Variants in RECQL5 observed in about 807,000 individuals in gnomAD.
The protein encoded by RECQL5 is RecQ like helicase 5, also known as ATP-dependent DNA helicase Q5.
A neutral mutation model predicts 103.4 loss-of-function variants in RECQL5; 88 were observed. The ratio of observed to expected loss-of-function variants is 0.85; its 90% CI spans 0.72 to 1.02. The LOEUF is 1.02. Ranked by LOEUF, RECQL5 falls within the 50% of genes least tolerant of loss-of-function variation. The pLI, the probability that RECQL5 is intolerant of heterozygous loss-of-function variation, is 0.00. For missense variants in RECQL5, 1,232 were observed against 1,284.3 expected (o/e 0.96, Z 0.62); for synonymous variants, 552 against 507.9 (o/e 1.09, Z -1.17).
At chr17:75,630,721 T>C in intron 12 of RECQL5, 29 bp from the exon 13 acceptor site, 2 of 1,608,596 alleles carry the variant, frequency 1.2e-6, no homozygotes, top group Non-Finnish European at 1.7e-6. Context: ...ACTGGTCGCA[T>C]GGCCTCGCGG....
At chr17:75,654,604 T>C (rs1205563745) in intron 7 of RECQL5, among the ~76,000 whole-genome samples, 1 of 152,134 alleles carries the variant, frequency 6.6e-6, no homozygotes, top group Non-Finnish European at 1.5e-5. Context: ...CATACAGCAT[T>C]GCATTTTTAT....
chr17:75,656,098 G>A (rs1233440726), intron 7 of RECQL5, among the ~76,000 whole-genome samples: 5 of 151,860 alleles, frequency 3.3e-5, no homozygotes, highest in African/African-American at 9.7e-5. Context: ...TTTTGAGACC[G>A]ACTTTCACTC....
chr17:75,631,758 C>T, intron 8 of RECQL5, 90 bp from the exon 9 acceptor site: 1 of 1,346,990 alleles, frequency 7.4e-7, no homozygotes, highest in Non-Finnish European at 1.0e-6. Context: ...GCTGAGCGAG[C>T]ACTGCCGCGT....
intron 5 of RECQL5, 36 bp from the exon 6 acceptor site, chr17:75,661,102 A>G: frequency 6.5e-7 from 1 of 1,548,182 alleles, no homozygotes; most frequent in Non-Finnish European, 8.9e-7. Context: ...GGGAACTCAC[A>G]TTTCCCTTGG....
chr17:75,666,645 TA>T (rs764037550), intron 1 of RECQL5, 74 bp from the exon 2 acceptor site: 5 of 1,419,352 alleles, frequency 3.5e-6, no homozygotes, highest in Non-Finnish European at 1.9e-6. Flanking sequence ...AAATACAGAT[TA>T]TTTTTCTGTA....
rs777336235 is a variant in RECQL5 at position 75,629,356 on chromosome 17, G to A, written c.2067C>T (p.Gly689=). The part of the protein sequence containing the change: ...REQAPQPERG[G]EHEPPSRPCG... ...AGGGCCGGCTCGGGGGCTCGTGCTC[G>A]CCTCCCCGCTCGGGCTGGGGGGCTT... is the stretch of plus-strand genomic sequence containing the variant. The change falls in exon 16 of 20, where the codon GGC becomes GGT. Residue 689 remains glycine (G), a synonymous_variant. Coordinates refer to ENST00000317905, the MANE Select transcript of RECQL5 (RefSeq NM_004259.7). 14 of 1,513,314 alleles carry A rather than the reference G, an allele frequency of 9.3e-6. No homozygotes were observed. In the South Asian group the frequency reaches 1.1e-4, roughly 12 times the overall value. The allele number at this position is 1,513,314 out of a possible 1,614,324, so 93.7% of individuals were successfully genotyped here.
Position 75,629,236 on chromosome 17 carries a change from C to T in RECQL5, c.2187G>A (p.Glu729=). ...GSAHYGGPSP[E]KKAKSSSGGS... ...CCCCAGAGGAACTTTTTGCCTTCTT[C>T]TCAGGGGAGGGCCCCCCATAGTGAG... is the stretch of plus-strand genomic sequence containing the variant. The change falls in exon 16 of 20, where the codon GAG becomes GAA. Residue 729 remains glutamate, a synonymous_variant. Transcript: ENST00000317905. 6.2e-7 allele frequency: 1 copy of T among 1,612,848 alleles called. No individual in the cohort carries two copies. Among genetic ancestry groups the T allele is most frequent in the Non-Finnish European group, 8.5e-7 (1 of 1,179,760 alleles).
Position 75,627,035 on chromosome 17 carries a change from G to T in RECQL5, c.*387C>A, listed in dbSNP as rs2059102041. ...CGTAATGGATGGGGGAGTGGGTGGA[G>T]GATCTGAGGGTCCCCTGGGTAGGTT... On this transcript the variant is annotated 3_prime_UTR_variant, in exon 20 of 20. Coordinates refer to ENST00000317905, the MANE Select transcript of RECQL5 (RefSeq NM_004259.7). 5.1e-6 allele frequency: 2 copies of T among 395,196 alleles called. No homozygotes were observed. The highest frequency in any genetic ancestry group is 7.0e-5 in the East Asian group (1 of 14,266). 24.5% of individuals were successfully genotyped at this position (395,196 alleles called of 1,614,324 possible). A position where few individuals can be genotyped will look rare whatever the true frequency, so the allele number is the denominator to read the frequency against.
intron 16 of RECQL5, 35 bp downstream of exon 16, chr17:75,628,899 G>C (rs749057516): frequency 2.7e-5 from 42 of 1,582,128 alleles, no homozygotes; most frequent in Non-Finnish European, 3.1e-5. Context: ...TGCCGTGTAG[G>C]TTCCAGAAGA....
rs2059326153 is a variant in RECQL5 at position 75,636,570 on chromosome 17, T to C, written c.1230-4902A>G. On this transcript the variant is annotated intron_variant, in intron 8 of 19. Coordinates refer to ENST00000317905, the MANE Select transcript of RECQL5 (RefSeq NM_004259.7). This position sits in a 1 kb window ranked among gnomAD's most constrained non-coding sequence, Gnocchi z 5.4. ...TGCCACACAGTCACCTGACGGCTGC[T>C]GGTTATATTGGGCACCAAGTGTCAG... The C allele has an allele frequency of 6.6e-6, 1 of 152,140 alleles. No individual in the cohort carries two copies. Among genetic ancestry groups the C allele is most frequent in the Admixed American group, 6.5e-5 (1 of 15,274 alleles). 9.4% of individuals were successfully genotyped at this position (152,140 alleles called of 1,614,324 possible). A position where few individuals can be genotyped will look rare whatever the true frequency, so the allele number is the denominator to read the frequency against.
In RECQL5 at chr17:75,627,645, C is replaced by CTGAG. The variant is rs761290432; in HGVS notation, c.2849_2852dup (p.Gln951HisfsTer33). 1 of 1,612,574 alleles carries CTGAG rather than the reference C, an allele frequency of 6.2e-7. No homozygotes were observed. The highest frequency in any genetic ancestry group is 1.1e-5 in the South Asian group (1 of 90,890). ...CACCGCTCCTTCCAGGAGAGGTCTT[C>CTGAG]TGAGTCAGCAAGTGTGAGAGGTGGC... On this transcript the variant is annotated frameshift_variant, in exon 19 of 20. Coordinates refer to ENST00000317905, the MANE Select transcript of RECQL5 (RefSeq NM_004259.7). LOFTEE classifies it high-confidence loss of function.
Position 75,640,188 on chromosome 17 carries a change from G to A in RECQL5, c.1230-8520C>T. Reference sequence around the variant, plus strand: ...CAGAGCCCGGCAGGAGCCCCAACAGGAAGCCAGCGCGGCATGGCTGCCACC... The same window carrying A: ...CAGAGCCCGGCAGGAGCCCCAACAGAAAGCCAGCGCGGCATGGCTGCCACC... On this transcript the variant is annotated intron_variant, in intron 8 of 19. Transcript: ENST00000317905. The surrounding 1 kb of genome is among the most constrained non-coding windows in gnomAD (Gnocchi z 4.6). 1 of 1,540,804 alleles carries A rather than the reference G, an allele frequency of 6.5e-7. No individual in the cohort carries two copies. The highest frequency in any genetic ancestry group is 8.7e-7 in the Non-Finnish European group (1 of 1,142,974).
chr17:75,640,187 G>T lies in RECQL5; in HGVS notation c.1230-8519C>A. 6.5e-7 allele frequency: 1 copy of T among 1,540,378 alleles called. No individual in the cohort carries two copies. The highest frequency in any genetic ancestry group is 8.8e-7 in the Non-Finnish European group (1 of 1,142,852). On this transcript the variant is annotated intron_variant, in intron 8 of 19. Transcript: ENST00000317905. This position sits in a 1 kb window ranked among gnomAD's most constrained non-coding sequence, Gnocchi z 4.6. ...GCAGAGCCCGGCAGGAGCCCCAACA[G>T]GAAGCCAGCGCGGCATGGCTGCCAC...
At chr17:75,650,181 C>T (rs762058724) in intron 8 of RECQL5, 42 of 987,340 alleles carry the variant, frequency 4.3e-5, no homozygotes, top group Non-Finnish European at 4.9e-5. Flanking sequence ...GGGCTCTGGT[C>T]GCAAAGGCTG....
At chr17:75,632,340 G>A (rs2059234032) in intron 8 of RECQL5, among the ~76,000 whole-genome samples, 1 of 152,268 alleles carries the variant, frequency 6.6e-6, no homozygotes, top group African/African-American at 2.4e-5. Flanking sequence ...GCCTGGGTGT[G>A]TAGGAGGCTG....
Position 75,636,233 on chromosome 17 carries a change from C to T in RECQL5, c.1230-4565G>A, listed in dbSNP as rs903468162. 8.5e-5 allele frequency among the ~76,000 whole-genome samples: 13 copies of T among 152,282 alleles called. No homozygotes were observed. Among genetic ancestry groups the T allele is most frequent in the African/African-American group, 3.1e-4 (13 of 41,562 alleles). Reference sequence around the variant, plus strand: ...TGAGAAGCCTCCAACCAAGGCACTACTGAGCGTGGGGTTGGGAGGGACTCT... The same window carrying T: ...TGAGAAGCCTCCAACCAAGGCACTATTGAGCGTGGGGTTGGGAGGGACTCT... On this transcript the variant is annotated intron_variant, in intron 8 of 19. Transcript: ENST00000317905. This position sits in a 1 kb window ranked among gnomAD's most constrained non-coding sequence, Gnocchi z 5.4.
chr17:75,657,652 G>A (rs1169030639), intron 7 of RECQL5, among the ~76,000 whole-genome samples: 2 of 151,392 alleles, frequency 1.3e-5, no homozygotes, highest in Non-Finnish European at 2.9e-5. Context: ...TACTCAAGGT[G>A]GGAAGATTAT....
At chr17:75,633,322 C>T (rs1278519384) in intron 8 of RECQL5, 10 of 695,066 alleles carry the variant, frequency 1.4e-5, no homozygotes, top group South Asian at 1.4e-4. Flanking sequence ...GGGCTGGGGT[C>T]GGTTTCTCTC....
chr17:75,650,638 A>G (rs150866036), intron 8 of RECQL5: 214 of 1,613,418 alleles, frequency 1.3e-4, no homozygotes, highest in Non-Finnish European at 1.8e-4. Flanking sequence ...TCCTGCAGGC[A>G]CTCACAGCTC....
Sources: gnomAD v4.1 joint callset for allele counts (sites outside exome capture counted in the v4.1 genomes callset) on GRCh38, gnomAD v4.1.1 for gene constraint, Gnocchi (gnomAD v3.1) non-coding constraint, MANE v1.5 for transcripts, NCBI Gene and HGNC (gene_info 2026-07-23, HGNC 2026-07-21) for gene names.